Variants in SRRT observed in about 807,000 individuals in gnomAD.
SRRT encodes the protein serrate RNA effector molecule homolog.
A neutral mutation model predicts 103.2 loss-of-function variants in SRRT; 32 were observed. That is an observed-to-expected ratio of 0.31 (90% CI 0.23 to 0.42). The LOEUF is 0.42. Ranked by LOEUF, SRRT falls within the 10% of genes least tolerant of loss-of-function variation. The pLI is 1.00. For synonymous variants in SRRT, 525 were observed against 449.0 expected (o/e 1.17, Z -2.14); for missense variants, 986 against 1,207.5 (o/e 0.82, Z 2.72).
In SRRT at chr7:100,887,531, A is replaced by G. The variant is rs1428722710; in HGVS notation, c.2169+18A>G. On this transcript the variant is annotated intron_variant, in intron 16 of 19. Transcript: ENST00000611405. The surrounding 1 kb of genome is among the most constrained non-coding windows in gnomAD (Gnocchi z 4.1). The stretch of plus-strand genomic sequence containing the variant: ...AATTCAAGGTGTGGGATGTTGGAGA[A>G]TGGCCGTGCTACGGTGGTGGGAGGT... 6.2e-7 allele frequency: 1 copy of G among 1,611,824 alleles called. No individual in the cohort carries two copies. The highest frequency in any genetic ancestry group is 8.5e-7 in the Non-Finnish European group (1 of 1,178,518).
intron 2 of SRRT, among the ~76,000 whole-genome samples, chr7:100,877,246 C>T (rs1231350090): frequency 6.6e-6 from 1 of 151,022 alleles, no homozygotes; most frequent in African/African-American, 2.4e-5. Context: ...CATTGTGAAA[C>T]CCTGTCTCTA....
rs1345877563 is a variant in SRRT, at chr7:100,888,030, C to T, written c.2327-12C>T. The T allele has an allele frequency of 1.4e-5, 22 of 1,537,344 alleles. No homozygotes were observed. In the Admixed American group the frequency reaches 2.4e-4, roughly 17 times the overall value. ...CCCGCCCCCGCAGTAATTCATGTCCCTGTCCGTGTTGTACTCCCCCCAGGT... is the reference window on the plus strand; with the variant it reads ...CCCGCCCCCGCAGTAATTCATGTCCTTGTCCGTGTTGTACTCCCCCCAGGT... On this transcript the variant is annotated splice_polypyrimidine_tract_variant and intron_variant, in intron 17 of 19. Coordinates refer to ENST00000611405, the MANE Select transcript of SRRT (RefSeq NM_015908.6).
Position 100,887,863 on chromosome 7 carries a change from AGATAC to A in SRRT, c.2326+8_2326+12del. On this transcript the variant is annotated splice_donor_5th_base_variant and intron_variant, in intron 17 of 19. Transcript: ENST00000611405. The surrounding 1 kb of genome is among the most constrained non-coding windows in gnomAD (Gnocchi z 4.1). Reference sequence around the variant, plus strand: ...CAGCCACCTGGCCCCGCCCAGAGTAAGATACGATCCATGAAGGTCGCATGTGCCCT... The same window carrying A: ...CAGCCACCTGGCCCCGCCCAGAGTAAGATCCATGAAGGTCGCATGTGCCCT... 1.3e-6 allele frequency: 2 copies of A among 1,597,558 alleles called. No homozygotes were observed. The highest frequency in any genetic ancestry group is 1.7e-6 in the Non-Finnish European group (2 of 1,166,752).
chr7:100,875,292 G>T lies in SRRT; in HGVS notation c.-55G>T. On this transcript the variant is annotated 5_prime_UTR_variant, in exon 1 of 20. Coordinates refer to ENST00000611405, the MANE Select transcript of SRRT (RefSeq NM_015908.6). The stretch of plus-strand genomic sequence containing the variant: ...CCCAGGTCGCCCTGAAATCTAGCCC[G>T]TCCGAGCGCGAGTCCAACGGCCGCG... 1 of 950,160 alleles carries T rather than the reference G, an allele frequency of 1.1e-6. No individual in the cohort carries two copies. The highest frequency in any genetic ancestry group is 1.4e-6 in the Non-Finnish European group (1 of 731,816). The allele number at this position is 950,160 out of a possible 1,614,324, so 58.9% of individuals were successfully genotyped here.
Position 100,881,230 on chromosome 7 carries a change from A to G in SRRT, c.123-55A>G, listed in dbSNP as rs575421121. 1.8e-5 allele frequency: 28 copies of G among 1,571,510 alleles called. No homozygotes were observed. The East Asian group carries it at 2.7e-4, about 15-fold the overall frequency. ...TCGGCCTCAAAAGTGCTTGGATTAC[A>G]GGCATGAGCCACTGTGCCTGGCCTT... On this transcript the variant is annotated intron_variant, in intron 2 of 19. Transcript: ENST00000611405.
intron 5 of SRRT, among the ~76,000 whole-genome samples, chr7:100,883,314 T>G (rs1315024304): frequency 1.3e-5 from 2 of 152,236 alleles, no homozygotes; most frequent in East Asian, 3.9e-4. Context: ...TTTTTCCCTT[T>G]GTTTTCGGTT....
chr7:100,885,191 T>C lies in SRRT; in HGVS notation c.1160-22T>C, dbSNP rs753507019. On this transcript the variant is annotated intron_variant, in intron 9 of 19. Coordinates refer to ENST00000611405, the MANE Select transcript of SRRT (RefSeq NM_015908.6). The surrounding 1 kb of genome is among the most constrained non-coding windows in gnomAD (Gnocchi z 4.8). ...CAGTAATAAAAATGCACCAACTCCT[T>C]CCTACCCCCCTTCCTGCCTAGAAGA... 5 of 1,610,192 alleles carry C rather than the reference T, an allele frequency of 3.1e-6. No individual in the cohort carries two copies. The highest frequency in any genetic ancestry group is 3.4e-6 in the Non-Finnish European group (4 of 1,177,730).
At position 100,888,105 on chromosome 7, in the gene SRRT, C is replaced by T; in HGVS notation, c.2390C>T (p.Pro797Leu). ...YPHQTPQGLM[P>L]YGQPRPPILG... The stretch of plus-strand genomic sequence containing the variant: ...CACCAGACTCCCCAGGGCCTGATGC[C>T]CTATGGTCAGCCCCGGCCCCCGATC... Residue 797 changes from proline (P) to leucine (L), a missense_variant, in exon 18 of 20, where the codon CCC (proline) becomes CTC (leucine). Pro to Leu is a moderately conservative substitution (Grantham distance 98). Around this residue, in one of 6 missense-constraint regions of SRRT, gnomAD observed 178 missense variants for 189.6 expected, o/e 0.94. Transcript: ENST00000611405. 1 of 1,610,950 alleles carries T rather than the reference C, an allele frequency of 6.2e-7. No individual in the cohort carries two copies. Among genetic ancestry groups the T allele is most frequent in the Non-Finnish European group, 8.5e-7 (1 of 1,178,336 alleles).
rs201308076 is a variant in SRRT, at chr7:100,884,055, C to A, written c.588-15C>A. On this transcript the variant is annotated splice_polypyrimidine_tract_variant and intron_variant, in intron 5 of 19. Coordinates refer to ENST00000611405, the MANE Select transcript of SRRT (RefSeq NM_015908.6). ...AATAACTGTTTTGTCTTTCCCTCCC[C>A]CGCTTCGTTCCCAGGTTTCGGTCTA... The A allele has an allele frequency of 6.4e-7, 1 of 1,566,732 alleles. No homozygotes were observed. The highest frequency in any genetic ancestry group is 1.2e-5 in the South Asian group (1 of 84,452).
rs200716966 is a variant in SRRT at position 100,881,810 on chromosome 7, G to A, written c.398+5G>A. 110 of 1,596,728 alleles carry A rather than the reference G, an allele frequency of 6.9e-5. No homozygotes were observed. The African/African-American group carries it at 1.2e-3, about 17-fold the overall frequency. On this transcript the variant is annotated splice_donor_5th_base_variant and intron_variant, in intron 4 of 19. Transcript: ENST00000611405. ...TGTCCTGCCTATCCAGGCCAGGTAA[G>A]GGTGGGGCTTCTCAGAAGAGGGTTG...
At position 100,875,152 on chromosome 7, in the gene SRRT, C is replaced by G. The variant is rs551191726; in HGVS notation, c.-195C>G. On this transcript the variant is annotated 5_prime_UTR_variant, in exon 1 of 20. Transcript: ENST00000611405. ...GGTGACGCAGGCGCAGCGCGGGCTG[C>G]GCGCGCTACTGCCCATCCCCGGTTG... 4.9e-4 allele frequency: 80 copies of G among 161,738 alleles called. No homozygotes were observed. Among genetic ancestry groups the G allele is most frequent in the Non-Finnish European group, 7.0e-4 (51 of 73,272 alleles). The allele number at this position is 161,738 out of a possible 1,614,324, so 10.0% of individuals were successfully genotyped here. A position where few individuals can be genotyped will look rare whatever the true frequency, so the allele number is the denominator to read the frequency against.
intron 2 of SRRT, among the ~76,000 whole-genome samples, chr7:100,881,020 T>C (rs1393472046): frequency 6.6e-6 from 1 of 152,124 alleles, no homozygotes; most frequent in East Asian, 1.9e-4. Flanking sequence ...GGCTTTTTAG[T>C]CTGGTATCTC....
chr7:100,881,616 G>A (rs1218657168), intron 3 of SRRT, 43 bp from the exon 4 acceptor site: 23 of 1,612,092 alleles, frequency 1.4e-5, no homozygotes, highest in Non-Finnish European at 1.7e-5. Context: ...CTCTGGGGAG[G>A]TGACTCCCTT....
chr7:100,879,353 C>G (rs1429059605), intron 2 of SRRT, among the ~76,000 whole-genome samples: 1 of 152,104 alleles, frequency 6.6e-6, no homozygotes, highest in African/African-American at 2.4e-5. Context: ...ACTGCTTCGG[C>G]CTCCCAAAGT....
intron 5 of SRRT, 79 bp from the exon 6 acceptor site, chr7:100,883,991 C>G (rs1789823729): frequency 1.4e-6 from 2 of 1,467,854 alleles, no homozygotes; most frequent in Non-Finnish European, 1.8e-6. Flanking sequence ...TATGCCCTGT[C>G]TTTCCTGGGC....
At position 100,884,475 on chromosome 7, in the gene SRRT, G is replaced by C; in HGVS notation, c.865G>C (p.Gly289Arg). Residue 289 changes from glycine (G) to arginine (R), a missense_variant, in exon 7 of 20, where the codon GGA becomes CGA. Physicochemically the swap from Gly to Arg is moderately radical, Grantham distance 125 (BLOSUM62 -2). Transcript: ENST00000611405. ...KPGEPSKKEE[G>R]RAGAGLGDGE... ...TGGGGAGCCCAGCAAGAAAGAAGAAGGACGGGCTGGAGCAGGCCTAGGGGA... is the reference window on the plus strand; with the variant it reads ...TGGGGAGCCCAGCAAGAAAGAAGAACGACGGGCTGGAGCAGGCCTAGGGGA... 1 of 1,614,024 alleles carries C rather than the reference G, an allele frequency of 6.2e-7. No individual in the cohort carries two copies. The highest frequency in any genetic ancestry group is 8.5e-7 in the Non-Finnish European group (1 of 1,179,978).
At chr7:100,884,683 C>G in intron 7 of SRRT, 57 bp from the exon 8 acceptor site, 2 of 1,582,228 alleles carry the variant, frequency 1.3e-6, no homozygotes, top group Non-Finnish European at 1.7e-6. Context: ...GGTGGGGGCC[C>G]TCTGATAAAG....
Position 100,888,485 on chromosome 7 carries a change from G to A in SRRT, c.2567G>A (p.Gly856Glu). Residue 856 changes from glycine (G) to glutamate (E), a missense_variant, in exon 20 of 20, where the codon GGA becomes GAA. Transcript: ENST00000611405. Reference protein sequence around the residue: ...PGKPRNRMVRGDPRAIVEYRD... With the variant: ...PGKPRNRMVREDPRAIVEYRD... ...CTCTCACCTCACAGGATGGTTCGTGGAGACCCAAGGGCCATTGTGGAATAT... is the reference window on the plus strand; with the variant it reads ...CTCTCACCTCACAGGATGGTTCGTGAAGACCCAAGGGCCATTGTGGAATAT... 1 of 1,614,156 alleles carries A rather than the reference G, an allele frequency of 6.2e-7. No homozygotes were observed. The highest frequency in any genetic ancestry group is 8.5e-7 in the Non-Finnish European group (1 of 1,180,028).
intron 2 of SRRT, 101 bp downstream of exon 2, chr7:100,875,813 C>G: frequency 6.8e-7 from 1 of 1,467,954 alleles, no homozygotes; most frequent in Non-Finnish European, 9.4e-7. Flanking sequence ...AGGGCGAATC[C>G]TATGAAATGG....
Sources: allele counts gnomAD v4.1 joint callset (sites outside exome capture counted in the v4.1 genomes callset), GRCh38; gene constraint gnomAD v4.1.1; regional missense constraint gnomAD v4.1.1; non-coding constraint Gnocchi (gnomAD v3.1); transcripts MANE v1.5; gene names NCBI Gene and HGNC (gene_info 2026-07-23, HGNC 2026-07-21).